The following FLACC1 variants were observed in gnomAD, a reference collection of about 807,000 sequenced individuals.
FLACC1 encodes the protein flagellum-associated coiled-coil domain-containing protein 1.
FLACC1 carries 66 observed loss-of-function variants against 62.8 expected under a neutral mutation model. The observed-to-expected ratio is 1.05, with a 90% CI of 0.86 to 1.29. FLACC1 has a LOEUF of 1.29. Ranked by LOEUF, FLACC1 falls within the 50% of genes most tolerant of loss-of-function variation. FLACC1 has a pLI of 0.00. For missense variants in FLACC1, 452 were observed against 489.1 expected (o/e 0.92, Z 0.71); for synonymous variants, 156 against 161.0 (o/e 0.97, Z 0.24).
In FLACC1 at chr2:201,346,390, GC is replaced by G; in HGVS notation, c.368+151del. On this transcript the variant is annotated intron_variant, in intron 5 of 14. Coordinates refer to ENST00000392257, the MANE Select transcript of FLACC1 (RefSeq NM_001127391.3). This position sits in a 1 kb window ranked among gnomAD's most constrained non-coding sequence, Gnocchi z 4.0. ...ATGTGGAGAGATGCATCATCAGGAAGCAGGGGCGAGGAGGGAGGTGCCCTTG... is the reference window on the plus strand; with the variant it reads ...ATGTGGAGAGATGCATCATCAGGAAGAGGGGCGAGGAGGGAGGTGCCCTTG... 9.7e-7 allele frequency: 1 copy of G among 1,029,648 alleles called. No individual in the cohort carries two copies. The highest frequency in any genetic ancestry group is 1.6e-5 in the South Asian group (1 of 63,710). The allele number at this position is 1,029,648 out of a possible 1,614,324, so 63.8% of individuals were successfully genotyped here. A position where few individuals can be genotyped will look rare whatever the true frequency, so the allele number is the denominator to read the frequency against.
intron 7 of FLACC1, among the ~76,000 whole-genome samples, chr2:201,333,845 A>C (rs2125597883): frequency 6.6e-6 from 1 of 152,246 alleles, no homozygotes; most frequent in East Asian, 1.9e-4. Flanking sequence ...TGCTATTGTG[A>C]ATAGTGCCAC....
chr2:201,299,225 T>C lies in FLACC1; in HGVS notation c.942+13A>G, dbSNP rs1313726364. The C allele has an allele frequency of 6.2e-7, 1 of 1,612,338 alleles. No homozygotes were observed. The highest frequency in any genetic ancestry group is 1.7e-5 in the Admixed American group (1 of 59,948). On this transcript the variant is annotated intron_variant, in intron 12 of 14. Coordinates refer to ENST00000392257, the MANE Select transcript of FLACC1 (RefSeq NM_001127391.3). Reference sequence around the variant, plus strand: ...AATATACCAAGTCCACAGGAAAGGATGAAAAAGCTTACCTCTTTGGTTTTT... The same window carrying C: ...AATATACCAAGTCCACAGGAAAGGACGAAAAAGCTTACCTCTTTGGTTTTT...
intron 9 of FLACC1, among the ~76,000 whole-genome samples, chr2:201,327,439 T>C (rs773845414): frequency 4.6e-5 from 7 of 151,888 alleles, no homozygotes; most frequent in Non-Finnish European, 8.8e-5. Flanking sequence ...AATCAAAATC[T>C]ACAAGGAATT....
intron 10 of FLACC1, 92 bp downstream of exon 10, chr2:201,309,059 A>G (rs1484833873): frequency 1.9e-6 from 2 of 1,078,448 alleles, no homozygotes; most frequent in Non-Finnish European, 2.8e-6. Flanking sequence ...ACCCTTGGTA[A>G]GCCCAAGGCC....
At chr2:201,321,992 G>A (rs565649738) in intron 9 of FLACC1, among the ~76,000 whole-genome samples, 1 of 152,344 alleles carries the variant, frequency 6.6e-6, no homozygotes, top group East Asian at 1.9e-4. Context: ...GAAAAGGCCG[G>A]GTGCAGTGGC....
chr2:201,291,946 T>G (rs1206203100), intron 12 of FLACC1, among the ~76,000 whole-genome samples: 1 of 151,854 alleles, frequency 6.6e-6, no homozygotes, highest in Non-Finnish European at 1.5e-5. Flanking sequence ...ATCAAATGAA[T>G]GAAATGAAGC....
chr2:201,309,284 G>C, intron 9 of FLACC1, 34 bp from the exon 10 acceptor site: 1 of 1,529,786 alleles, frequency 6.5e-7, no homozygotes, highest in East Asian at 2.2e-5. Flanking sequence ...GAAGAAAAGA[G>C]TCCTAAAATG....
chr2:201,311,138 G>A lies in FLACC1; in HGVS notation c.676-1888C>T, dbSNP rs541858078. 3.3e-5 allele frequency among the ~76,000 whole-genome samples: 5 copies of A among 149,938 alleles called. No homozygotes were observed. In the East Asian group the frequency reaches 5.9e-4, roughly 18 times the overall value. Reference sequence around the variant, plus strand: ...AATATTGAGTTTTGAAATTGATTCAGTAATAAAATAATCTAACACTAAAAA... The same window carrying A: ...AATATTGAGTTTTGAAATTGATTCAATAATAAAATAATCTAACACTAAAAA... On this transcript the variant is annotated intron_variant, in intron 9 of 14. Coordinates refer to ENST00000392257, the MANE Select transcript of FLACC1 (RefSeq NM_001127391.3).
chr2:201,357,681 T>C, upstream of FLACC1, among the ~76,000 whole-genome samples: 1 of 152,234 alleles, frequency 6.6e-6, no homozygotes, highest in East Asian at 1.9e-4. Flanking sequence ...TTAATTCCTC[T>C]GTGATCTACT....
At chr2:201,331,967 T>C (rs556922882) in intron 7 of FLACC1, among the ~76,000 whole-genome samples, 4 of 152,322 alleles carry the variant, frequency 2.6e-5, no homozygotes, top group East Asian at 1.9e-4. Context: ...AGTAAGTATA[T>C]GGGAAATCTT....
rs544408825 is a variant in FLACC1, at chr2:201,349,498, C to T, written c.186-1196G>A. 7.0e-4 allele frequency among the ~76,000 whole-genome samples: 106 copies of T among 152,306 alleles called. 1 individual carries two copies. The highest frequency in any genetic ancestry group is 2.5e-3 in the African/African-American group (104 of 41,562). On this transcript the variant is annotated intron_variant, in intron 3 of 14. Transcript: ENST00000392257. Reference sequence around the variant, plus strand: ...TGGTCCTCTTCCCCTTCCTTCCCCACTAGAATATAAGTGCCAGGAGAGTGG... The same window carrying T: ...TGGTCCTCTTCCCCTTCCTTCCCCATTAGAATATAAGTGCCAGGAGAGTGG...
rs546070506 is a variant in FLACC1 at position 201,329,595 on chromosome 2, G to T, written c.675+875C>A. On this transcript the variant is annotated intron_variant, in intron 9 of 14. Coordinates refer to ENST00000392257, the MANE Select transcript of FLACC1 (RefSeq NM_001127391.3). Reference sequence around the variant, plus strand: ...AACAAAATGTGGTACATATACCATGGAATACTATGCAGCCATAAAAAAGAA... The same window carrying T: ...AACAAAATGTGGTACATATACCATGTAATACTATGCAGCCATAAAAAAGAA... 1.1e-3 allele frequency among the ~76,000 whole-genome samples: 164 copies of T among 152,274 alleles called. 1 individual carries two copies. Among genetic ancestry groups the T allele is most frequent in the African/African-American group, 3.8e-3 (157 of 41,552 alleles).
chr2:201,307,682 G>A (rs1451949247), intron 10 of FLACC1, 60 bp from the exon 11 acceptor site: 11 of 1,191,456 alleles, frequency 9.2e-6, no homozygotes, highest in Non-Finnish European at 1.3e-5. Flanking sequence ...GGTGCAATGA[G>A]AAACCCAGAA....
At chr2:201,292,900 T>A (rs1211286559) in intron 12 of FLACC1, among the ~76,000 whole-genome samples, 1 of 151,930 alleles carries the variant, frequency 6.6e-6, no homozygotes, top group African/African-American at 2.4e-5. Context: ...GACTTTCAAT[T>A]AACAAAGATC....
intron 5 of FLACC1, 53 bp from the exon 6 acceptor site, chr2:201,344,316 TTC>T: frequency 6.8e-7 from 1 of 1,461,382 alleles, no homozygotes; most frequent in South Asian, 1.1e-5. Context: ...TTCCATGCCA[TTC>T]AGGCCCCTGA....
chr2:201,309,075 C>T (rs752464512), intron 10 of FLACC1, 76 bp downstream of exon 10: 33 of 1,296,742 alleles, frequency 2.5e-5, no homozygotes, highest in Non-Finnish European at 3.7e-5. Flanking sequence ...AGGCCACCTT[C>T]CTCAAGTCAA....
rs746525763 is a variant in FLACC1 at position 201,307,638 on chromosome 2, G to A, written c.776-16C>T. On this transcript the variant is annotated splice_polypyrimidine_tract_variant and intron_variant, in intron 10 of 14. Coordinates refer to ENST00000392257, the MANE Select transcript of FLACC1 (RefSeq NM_001127391.3). ...ATCTTTTTTTCTGTGGAAGTGACAG[G>A]AAAGCACATATATGTGTAAAGATGG... The A allele has an allele frequency of 3.0e-5, 47 of 1,558,866 alleles. 1 individual carries two copies. The South Asian group carries it at 4.9e-4, about 16-fold the overall frequency.
chr2:201,346,632 C>T lies in FLACC1; in HGVS notation c.278G>A (p.Arg93Gln), dbSNP rs149858712. The T allele has an allele frequency of 1.5e-5, 24 of 1,614,064 alleles. No homozygotes were observed. The highest frequency in any genetic ancestry group is 8.9e-5 in the East Asian group (4 of 44,906). ...CCCTAAGGTGACAGAAATCTGTTCCCGATTCCGAACAAGTTGATAGCCAGG... is the reference window on the plus strand; with the variant it reads ...CCCTAAGGTGACAGAAATCTGTTCCTGATTCCGAACAAGTTGATAGCCAGG... Reference protein sequence around the residue: ...VSPGYQLVRNREQISVTLGDE... With the variant: ...VSPGYQLVRNQEQISVTLGDE... The change falls in exon 5 of 15, where the codon CGG (arginine) becomes CAG (glutamine). Residue 93 changes from arginine (R) to glutamine (Q), a missense_variant. Arg to Gln is a conservative substitution (Grantham distance 43). Coordinates refer to ENST00000392257, the MANE Select transcript of FLACC1 (RefSeq NM_001127391.3). This position sits in a 1 kb window ranked among gnomAD's most constrained non-coding sequence, Gnocchi z 4.0.
intron 3 of FLACC1, among the ~76,000 whole-genome samples, chr2:201,349,582 T>C (rs918538179): frequency 2.0e-5 from 3 of 152,148 alleles, no homozygotes; most frequent in South Asian, 2.1e-4. Flanking sequence ...TAATAAATAA[T>C]AGGTGGTCAA....
Sources: gnomAD v4.1 joint callset for allele counts (sites outside exome capture counted in the v4.1 genomes callset) on GRCh38, gnomAD v4.1.1 for gene constraint, Gnocchi (gnomAD v3.1) non-coding constraint, MANE v1.5 for transcripts, NCBI Gene and HGNC (gene_info 2026-07-23, HGNC 2026-07-21) for gene names.